HHAT: variants seen among roughly 807,000 people sequenced by gnomAD.
HHAT encodes protein-cysteine N-palmitoyltransferase HHAT.
In HHAT, 47 loss-of-function variants were observed where a neutral mutation model predicts 70.8. The observed-to-expected ratio is 0.66, with a 90% confidence interval of 0.53 to 0.85. The LOEUF (loss-of-function observed/expected upper bound fraction) is 0.85, where lower values mean the gene tolerates loss of function less well. HHAT is among the 40% of genes least tolerant of loss of function. The pLI, the probability that HHAT is intolerant of heterozygous loss-of-function variation, is 0.00. For synonymous variants in HHAT, 228 were observed against 247.6 expected (o/e 0.92, Z 0.74); for missense variants, 609 against 604.8 (o/e 1.01, Z -0.07).
intron 11 of HHAT, among the ~76,000 whole-genome samples, chr1:210,658,044 C>T (rs1032734536): frequency 6.6e-6 from 1 of 152,194 alleles, no homozygotes; most frequent in Non-Finnish European, 1.5e-5. Context: ...TGTGTTCCTT[C>T]AGTCTCGTCT....
intron 6 of HHAT, among the ~76,000 whole-genome samples, chr1:210,409,847 A>G (rs1356802979): frequency 1.3e-5 from 2 of 152,172 alleles, no homozygotes; most frequent in East Asian, 1.9e-4. Context: ...CACTTTGCAG[A>G]TGAGTTAATG....
intron 10 of HHAT, among the ~76,000 whole-genome samples, chr1:210,623,306 C>T (rs1232947054): frequency 6.6e-6 from 1 of 151,986 alleles, no homozygotes; most frequent in Non-Finnish European, 1.5e-5. Context: ...ACTCCTGGGC[C>T]CAAGTGATCC....
At chr1:210,447,808 A>G (rs1045432440) in intron 7 of HHAT, among the ~76,000 whole-genome samples, 8 of 152,142 alleles carry the variant, frequency 5.3e-5, no homozygotes, top group Non-Finnish European at 1.0e-4. Context: ...ACGAGGCCCC[A>G]CATTCTGGTA....
intron 2 of HHAT, among the ~76,000 whole-genome samples, chr1:210,361,965 A>G (rs36111632): frequency 0.11 from 16,184 of 152,150 alleles, 1,055 homozygotes; most frequent in Non-Finnish European, 0.15. Context: ...GTGTTTGTCT[A>G]TCTTCCCCAG....
At chr1:210,506,672 T>A (rs2094860118) in intron 8 of HHAT, among the ~76,000 whole-genome samples, 1 of 152,150 alleles carries the variant, frequency 6.6e-6, no homozygotes, top group African/African-American at 2.4e-5. Context: ...GAACCCCTAT[T>A]TTTATCTGTG....
intron 8 of HHAT, among the ~76,000 whole-genome samples, chr1:210,499,451 A>G (rs1405403486): frequency 3.3e-5 from 5 of 152,192 alleles, no homozygotes; most frequent in African/African-American, 4.8e-5. Flanking sequence ...AGCCTGGCCA[A>G]CATGGTGAAA....
At chr1:210,339,987 G>T (rs2085864290) in intron 1 of HHAT, among the ~76,000 whole-genome samples, 1 of 152,040 alleles carries the variant, frequency 6.6e-6, no homozygotes, top group Non-Finnish European at 1.5e-5. Flanking sequence ...AACCTTTCTG[G>T]GTTTGGAGAA....
chr1:210,483,742 A>G (rs1436797346), intron 8 of HHAT, among the ~76,000 whole-genome samples: 1 of 152,196 alleles, frequency 6.6e-6, no homozygotes, highest in African/African-American at 2.4e-5. Context: ...AGTTATTTTT[A>G]TTATATGGAC....
At chr1:210,639,081 A>G (rs1672490409) in intron 11 of HHAT, among the ~76,000 whole-genome samples, 1 of 152,096 alleles carries the variant, frequency 6.6e-6, no homozygotes, top group African/African-American at 2.4e-5. Flanking sequence ...AATTGATCCG[A>G]TATGGCCCTA....
intron 9 of HHAT, among the ~76,000 whole-genome samples, chr1:210,578,022 G>A (rs1196604830): frequency 6.6e-6 from 1 of 152,122 alleles, no homozygotes; most frequent in Admixed American, 6.5e-5. Flanking sequence ...GAGTTTGGAA[G>A]TGTTCTTTTT....
intron 9 of HHAT, among the ~76,000 whole-genome samples, chr1:210,562,734 C>T (rs938212237): frequency 6.6e-6 from 1 of 151,596 alleles, no homozygotes; most frequent in African/African-American, 2.4e-5. Context: ...ATACACGTGC[C>T]ATGTTGGTGT....
chr1:210,614,181 A>G (rs1667184981), intron 10 of HHAT, among the ~76,000 whole-genome samples: 1 of 152,082 alleles, frequency 6.6e-6, no homozygotes, highest in South Asian at 2.1e-4. Flanking sequence ...ATGCCATTAT[A>G]AATAGAATTG....
At chr1:210,637,026 T>C (rs1671990908) in intron 11 of HHAT, among the ~76,000 whole-genome samples, 1 of 152,108 alleles carries the variant, frequency 6.6e-6, no homozygotes, top group South Asian at 2.1e-4. Flanking sequence ...CACCTGTAAA[T>C]TGAGAAAAAC....
intron 9 of HHAT, among the ~76,000 whole-genome samples, chr1:210,561,214 G>A (rs2095620262): frequency 6.6e-6 from 1 of 152,164 alleles, no homozygotes; most frequent in Admixed American, 6.5e-5. Context: ...ACAGAGGGAA[G>A]GCCCTTTGGT....
At chr1:210,430,277 T>A (rs2093204438) in intron 7 of HHAT, among the ~76,000 whole-genome samples, 1 of 151,782 alleles carries the variant, frequency 6.6e-6, no homozygotes, top group Non-Finnish European at 1.5e-5. Context: ...CTTAGCCCTG[T>A]ATTGGAATCA....
chr1:210,661,052 C>A (rs1026252398), intron 11 of HHAT, among the ~76,000 whole-genome samples: 1 of 152,056 alleles, frequency 6.6e-6, no homozygotes, highest in East Asian at 1.9e-4. Context: ...GCAACAAAAG[C>A]CAAAATTGAC....
chr1:210,373,835 A>C (rs529139241), intron 3 of HHAT, among the ~76,000 whole-genome samples: 2 of 152,330 alleles, frequency 1.3e-5, no homozygotes, highest in African/African-American at 4.8e-5. Context: ...TTTTGCAGAC[A>C]GGCAACCAGA....
chr1:210,655,313 C>A (rs1017612707), intron 11 of HHAT, among the ~76,000 whole-genome samples: 8 of 152,178 alleles, frequency 5.3e-5, no homozygotes, highest in African/African-American at 1.9e-4. Flanking sequence ...TCACTGAGAT[C>A]CTGGCTGTCT....
intron 7 of HHAT, among the ~76,000 whole-genome samples, chr1:210,463,367 T>A (rs12028247): frequency 0.29 from 43,787 of 152,086 alleles, 7,033 homozygotes; most frequent in African/African-American, 0.45. Flanking sequence ...TCTCTATAGA[T>A]TTCCCTATTC....
Sources: gnomAD v4.1 joint callset for allele counts (sites outside exome capture counted in the v4.1 genomes callset) on GRCh38, gnomAD v4.1.1 for gene constraint, MANE v1.5 for transcripts, NCBI Gene and HGNC (gene_info 2026-07-23, HGNC 2026-07-21) for gene names.